NETO1: variants seen among roughly 807,000 people sequenced by gnomAD.
The protein encoded by NETO1 is neuropilin and tolloid-like protein 1.
NETO1 carries 26 observed loss-of-function variants against 61.3 expected under a neutral mutation model. The observed-to-expected ratio is 0.42, with a 90% CI of 0.31 to 0.59. The LOEUF (loss-of-function observed/expected upper bound fraction) is 0.59. NETO1 is among the 20% of genes least tolerant of loss of function. The pLI is 0.12. For synonymous variants in NETO1, 225 were observed against 225.8 expected (o/e 1.00, Z 0.03); for missense variants, 531 against 662.8 (o/e 0.80, Z 2.18).
At chr18:72,856,292 T>G (rs987815667) in intron 4 of NETO1, among the ~76,000 whole-genome samples, 1 of 152,122 alleles carries the variant, frequency 6.6e-6, no homozygotes, top group Admixed American at 6.5e-5. Context: ...CTCGGAAGTC[T>G]GGGCTCATCT....
At chr18:72,834,403 G>C (rs942748510) in intron 4 of NETO1, 9 of 954,098 alleles carry the variant, frequency 9.4e-6, no homozygotes, top group Non-Finnish European at 1.1e-5. Context: ...TTAATGAAGG[G>C]AGTATAAGAA....
At chr18:72,788,154 G>A (rs533224320) in intron 6 of NETO1, among the ~76,000 whole-genome samples, 32 of 152,182 alleles carry the variant, frequency 2.1e-4, no homozygotes, top group African/African-American at 7.2e-4. Flanking sequence ...TGTACATGAA[G>A]TGCAATCACT....
At chr18:72,758,635 G>A (rs147094585) in intron 7 of NETO1, among the ~76,000 whole-genome samples, 196 of 152,130 alleles carry the variant, frequency 1.3e-3, no homozygotes, top group African/African-American at 4.6e-3. Context: ...CCAGGAGCTC[G>A]AGACCAACCC....
In NETO1 at chr18:72,789,083, T is replaced by G. The variant is rs547724035; in HGVS notation, c.639+5034A>C. On this transcript the variant is annotated intron_variant, in intron 6 of 10. Coordinates refer to ENST00000327305, the MANE Select transcript of NETO1 (RefSeq NM_138966.5). ...CAGGATTTCTGAATTTTCTATTTTA[T>G]TATTGACCAGACATGTCAGGTTTAT... 8.5e-5 allele frequency among the ~76,000 whole-genome samples: 13 copies of G among 152,280 alleles called. No homozygotes were observed. In the East Asian group the frequency reaches 1.7e-3, roughly 20 times the overall value.
chr18:72,797,213 T>G (rs545039932), intron 4 of NETO1, among the ~76,000 whole-genome samples: 1 of 152,336 alleles, frequency 6.6e-6, no homozygotes, highest in East Asian at 1.9e-4. Context: ...TTGTGGAATA[T>G]AGTTGATACT....
At chr18:72,829,072 A>G (rs2073486789) in intron 4 of NETO1, among the ~76,000 whole-genome samples, 1 of 152,324 alleles carries the variant, frequency 6.6e-6, no homozygotes, top group East Asian at 1.9e-4. Context: ...GAACACTCCA[A>G]TTACCTTATT....
intron 4 of NETO1, among the ~76,000 whole-genome samples, chr18:72,821,858 T>G (rs953322974): frequency 6.6e-6 from 1 of 152,160 alleles, no homozygotes; most frequent in Non-Finnish European, 1.5e-5. Context: ...AAATTTAACA[T>G]AAAAGAATCA....
rs558002671 is a variant in NETO1 at position 72,850,805 on chromosome 18, G to A, written c.469+8021C>T. ...TATCTTTAGGGAAATTTAGTGAGGG[G>A]TGTGGGTGCTGGTCATTTGATGATG... On this transcript the variant is annotated intron_variant, in intron 4 of 10. Coordinates refer to ENST00000327305, the MANE Select transcript of NETO1 (RefSeq NM_138966.5). 6.0e-4 allele frequency among the ~76,000 whole-genome samples: 92 copies of A among 152,266 alleles called. 1 individual carries two copies. The highest frequency in any genetic ancestry group is 2.1e-3 in the African/African-American group (87 of 41,536).
intron 4 of NETO1, among the ~76,000 whole-genome samples, chr18:72,826,061 C>G (rs1158846259): frequency 6.6e-6 from 1 of 152,088 alleles, no homozygotes; most frequent in Non-Finnish European, 1.5e-5. Flanking sequence ...ATATAACTTA[C>G]TTGTATTAGT....
At chr18:72,867,090 C>A (rs945909518) in intron 1 of NETO1, 174 bp downstream of exon 1, 2 of 499,078 alleles carry the variant, frequency 4.0e-6, no homozygotes, top group African/African-American at 2.0e-5. Context: ...GCGCCGCCCC[C>A]ACGCCCGGTT....
At chr18:72,833,191 T>C (rs1030092692) in intron 4 of NETO1, among the ~76,000 whole-genome samples, 14 of 151,734 alleles carry the variant, frequency 9.2e-5, no homozygotes, top group Non-Finnish European at 1.6e-4. Context: ...GATACATCCA[T>C]ACAAAACAGC....
intron 6 of NETO1, among the ~76,000 whole-genome samples, chr18:72,785,278 A>C (rs2071875741): frequency 6.6e-6 from 1 of 152,156 alleles, no homozygotes; most frequent in Non-Finnish European, 1.5e-5. Flanking sequence ...CCTAAATATT[A>C]TAATCTCACT....
intron 7 of NETO1, among the ~76,000 whole-genome samples, chr18:72,758,994 A>C (rs1249911057): frequency 6.6e-6 from 1 of 152,224 alleles, no homozygotes; most frequent in Non-Finnish European, 1.5e-5. Flanking sequence ...TCTCTCTCTC[A>C]GAAATGCATA....
intron 4 of NETO1, among the ~76,000 whole-genome samples, chr18:72,855,878 T>C (rs1162610611): frequency 2.6e-5 from 4 of 152,166 alleles, no homozygotes; most frequent in African/African-American, 9.7e-5. Context: ...ATTTATGAAA[T>C]ATGCATGCTA....
At chr18:72,852,656 A>G (rs1034646643) in intron 4 of NETO1, among the ~76,000 whole-genome samples, 7 of 152,106 alleles carry the variant, frequency 4.6e-5, no homozygotes, top group Admixed American at 4.6e-4. Flanking sequence ...ACACCCACCT[A>G]GACCAAACAA....
chr18:72,773,544 A>G (rs1180231628), intron 7 of NETO1, among the ~76,000 whole-genome samples: 1 of 152,124 alleles, frequency 6.6e-6, no homozygotes, highest in East Asian at 1.9e-4. Flanking sequence ...CCAGGTGTCA[A>G]GCGCAGGAAC....
At position 72,766,716 on chromosome 18, in the gene NETO1, T is replaced by C. The variant is rs184316028; in HGVS notation, c.869-10569A>G. ...CCAATCTTTGTGCAAAAATTACATA[T>C]TCTTACTGTTCTGAGAGATATTACA... is the stretch of plus-strand genomic sequence containing the variant. On this transcript the variant is annotated intron_variant, in intron 7 of 10. Transcript: ENST00000327305. Among the ~76,000 whole-genome samples the C allele has an allele frequency of 4.6e-5, 7 of 152,314 alleles. No individual in the cohort carries two copies. The East Asian group carries it at 1.3e-3, about 29-fold the overall frequency.
intron 4 of NETO1, among the ~76,000 whole-genome samples, chr18:72,827,499 A>G (rs969467814): frequency 6.6e-6 from 1 of 152,190 alleles, no homozygotes; most frequent in Non-Finnish European, 1.5e-5. Flanking sequence ...AAAATTTGAG[A>G]AACAAGATTG....
chr18:72,821,092 T>G (rs7232911), intron 4 of NETO1, among the ~76,000 whole-genome samples: 3,609 of 152,070 alleles, frequency 0.024, 89 homozygotes, highest in East Asian at 0.063. Context: ...GCCCATCTCT[T>G]GCCTGGGAAA....
Sources: allele counts gnomAD v4.1 joint callset (sites outside exome capture counted in the v4.1 genomes callset), GRCh38; gene constraint gnomAD v4.1.1; transcripts MANE v1.5; gene names NCBI Gene and HGNC (gene_info 2026-07-23, HGNC 2026-07-21).